UNC93B1: variants seen among roughly 807,000 people sequenced by gnomAD.
The protein encoded by UNC93B1 is unc-93B1 regulator of TLR signaling, also known as protein unc-93 homolog B1.
UNC93B1 carries 33 observed loss-of-function variants against 56.8 expected under a neutral mutation model. That is an observed-to-expected ratio of 0.58 (90% CI 0.44 to 0.78). UNC93B1 has a LOEUF of 0.78. UNC93B1 is among the 30% of genes least tolerant of loss of function. The probability of loss-of-function intolerance (pLI) is 0.00; values close to 1 mark genes in which losing one functional copy is unlikely to be tolerated. For missense variants in UNC93B1, 673 were observed against 819.5 expected (o/e 0.82, Z 2.18); for synonymous variants, 334 against 358.6 (o/e 0.93, Z 0.77).
chr11:67,992,652 CTTTTTTTTTTTTCCTTTTT>C (rs1351302586), intron 10 of UNC93B1, among the ~76,000 whole-genome samples: 2 of 134,400 alleles, frequency 1.5e-5, no homozygotes, highest in African/African-American at 5.6e-5. Flanking sequence ...CACTGCTTTT[CTTTTTTTTTTTTCCTTTTT>C]TTTTTTTTTG....
rs1856974091 is a variant in UNC93B1, at chr11:67,997,738, C to T, written c.843G>A (p.Arg281=). The part of the protein sequence containing the change: ...FNKTVLRTLP[R]SGNLIVVESV... ...TCTCCACCACAATGAGGTTTCCGCTCCGCGGGAGCGTCCGCAGAACCGTCT... is the reference window on the plus strand; with the variant it reads ...TCTCCACCACAATGAGGTTTCCGCTTCGCGGGAGCGTCCGCAGAACCGTCT... Residue 281 remains arginine (R), a synonymous_variant, in exon 7 of 11, where the codon CGG becomes CGA. Coordinates refer to ENST00000227471, the MANE Select transcript of UNC93B1 (RefSeq NM_030930.4). 4.3e-6 allele frequency: 7 copies of T among 1,609,814 alleles called. No homozygotes were observed. The highest frequency in any genetic ancestry group is 5.1e-6 in the Non-Finnish European group (6 of 1,179,878).
intron 7 of UNC93B1, 83 bp downstream of exon 7, chr11:67,997,592 C>T (rs911290984): frequency 6.3e-6 from 10 of 1,582,246 alleles, no homozygotes; most frequent in South Asian, 1.1e-5. Context: ...CCATGCCATC[C>T]GATCCAGACC....
At chr11:67,994,508 G>A (rs1238295915) in intron 9 of UNC93B1, among the ~76,000 whole-genome samples, 1 of 152,124 alleles carries the variant, frequency 6.6e-6, no homozygotes, top group Non-Finnish European at 1.5e-5. Context: ...CCTGTTTTGG[G>A]GCCCTGCAGG....
chr11:67,992,495 C>T (rs1184157152), intron 10 of UNC93B1, among the ~76,000 whole-genome samples: 1 of 152,048 alleles, frequency 6.6e-6, no homozygotes, highest in Admixed American at 6.6e-5. Flanking sequence ...CACGCCACTA[C>T]GCCCAGCTAT....
Position 67,998,369 on chromosome 11 carries a change from C to A in UNC93B1, c.771G>T (p.Val257=), listed in dbSNP as rs758434326. ...LYDLNHTLYN[V]QSCGTNSHGI... ...CCAACAAGGACTAACCGCAGCTCTG[C>A]ACATTGTACAGCGTGTGGTTCAGGT... Residue 257 remains valine (V), a synonymous_variant, in exon 6 of 11, where the codon GTG becomes GTT. Coordinates refer to ENST00000227471, the MANE Select transcript of UNC93B1 (RefSeq NM_030930.4). 2 of 1,613,962 alleles carry A rather than the reference C, an allele frequency of 1.2e-6. No individual in the cohort carries two copies. Among genetic ancestry groups the A allele is most frequent in the Non-Finnish European group, 8.5e-7 (1 of 1,179,864 alleles).
At chr11:67,995,986 G>A (rs1469127877) in intron 8 of UNC93B1, 102 bp from the exon 9 acceptor site, 3 of 1,084,212 alleles carry the variant, frequency 2.8e-6, no homozygotes, top group Non-Finnish European at 3.7e-6. Flanking sequence ...TGCGATGGGG[G>A]TCCTAAGAGC....
In UNC93B1 at chr11:68,003,318, C is replaced by A. The variant is rs1221860062; in HGVS notation, c.239-143G>T. ...AGCGCCCCTCAGGACAGCGGGGTTC[C>A]CGGGCTGCGCCACGCCTTCTGCCAG... On this transcript the variant is annotated intron_variant, in intron 2 of 10. Coordinates refer to ENST00000227471, the MANE Select transcript of UNC93B1 (RefSeq NM_030930.4). This position sits in a 1 kb window ranked among gnomAD's most constrained non-coding sequence, Gnocchi z 4.4. The A allele has an allele frequency of 1.8e-6, 2 of 1,099,824 alleles. No homozygotes were observed. The highest frequency in any genetic ancestry group is 6.2e-5 in the Admixed American group (2 of 32,482). 68.1% of individuals were successfully genotyped at this position (1,099,824 alleles called of 1,614,324 possible). A position where few individuals can be genotyped will look rare whatever the true frequency, so the allele number is the denominator to read the frequency against.
Position 67,991,686 on chromosome 11 carries a change from C to A in UNC93B1, c.1654G>T (p.Ala552Ser). 2.6e-6 allele frequency: 4 copies of A among 1,531,908 alleles called. No individual in the cohort carries two copies. The highest frequency in any genetic ancestry group is 2.4e-5 in the South Asian group (2 of 83,902). The allele number at this position is 1,531,908 out of a possible 1,614,324, so 94.9% of individuals were successfully genotyped here. A position where few individuals can be genotyped will look rare whatever the true frequency, so the allele number is the denominator to read the frequency against. Residue 552 changes from alanine to serine, a missense_variant, in exon 11 of 11, where the codon GCG (alanine) becomes TCG (serine). Ala to Ser is a moderately conservative substitution (Grantham distance 99, BLOSUM62 1). Around this residue, in one of 3 missense-constraint regions of UNC93B1, gnomAD observed 80 missense variants for 85.3 expected, o/e 0.94. Transcript: ENST00000227471. Reference protein sequence around the residue: ...LEEDNSDESDAEGEHGDGAEE... With the variant: ...LEEDNSDESDSEGEHGDGAEE... ...GCGCCGTCCCCATGCTCGCCCTCCGCGTCGCTCTCGTCCGAGTTGTCCTCC... is the reference window on the plus strand; with the variant it reads ...GCGCCGTCCCCATGCTCGCCCTCCGAGTCGCTCTCGTCCGAGTTGTCCTCC...
rs569865729 is a variant in UNC93B1, at chr11:67,993,145, C to T, written c.1482+531G>A. On this transcript the variant is annotated intron_variant, in intron 10 of 10. Coordinates refer to ENST00000227471, the MANE Select transcript of UNC93B1 (RefSeq NM_030930.4). ...CTGTGATTACAGGCACCTGCCACCA[C>T]GCCCGGCTAATTTTTGTATTTTTAG... is the stretch of plus-strand genomic sequence containing the variant. 2.6e-4 allele frequency among the ~76,000 whole-genome samples: 40 copies of T among 152,248 alleles called. No homozygotes were observed. The South Asian group carries it at 7.0e-3, about 27-fold the overall frequency.
rs185385019 is a variant in UNC93B1 at position 67,998,770 on chromosome 11, G to A, written c.688-318C>T. Among the ~76,000 whole-genome samples the A allele has an allele frequency of 3.8e-3, 577 of 152,228 alleles. 4 individuals are homozygous for A. Among genetic ancestry groups the A allele is most frequent in the African/African-American group, 0.013 (524 of 41,532 alleles). On this transcript the variant is annotated intron_variant, in intron 5 of 10. Transcript: ENST00000227471. Reference sequence around the variant, plus strand: ...AAATTAGCTGGGTGTGGTAGCACACGCATATGATGCCAGCTACTCAGAAGG... The same window carrying A: ...AAATTAGCTGGGTGTGGTAGCACACACATATGATGCCAGCTACTCAGAAGG...
At position 67,999,220 on chromosome 11, in the gene UNC93B1, C is replaced by G. The variant is rs1304010328; in HGVS notation, c.640G>C (p.Ala214Pro). Residue 214 changes from alanine to proline, a missense_variant, in exon 5 of 11, where the codon GCG (alanine) becomes CCG (proline). By Grantham distance (27) the Ala-to-Pro change is conservative. Transcript: ENST00000227471. ...MKQRPPRGSH[A>P]PYLLVFQAIF... ...GCTTGGAAGACCAGGAGATAGGGCGCGTGGGAGCCCCGCGGAGGCCGCTGC... is the reference window on the plus strand; with the variant it reads ...GCTTGGAAGACCAGGAGATAGGGCGGGTGGGAGCCCCGCGGAGGCCGCTGC... 3 of 1,613,266 alleles carry G rather than the reference C, an allele frequency of 1.9e-6. No homozygotes were observed. Among genetic ancestry groups the G allele is most frequent in the Admixed American group, 1.7e-5 (1 of 59,996 alleles).
chr11:67,996,594 G>C lies in UNC93B1; in HGVS notation c.1089+8C>G. On this transcript the variant is annotated splice_region_variant and intron_variant, in intron 8 of 10. Coordinates refer to ENST00000227471, the MANE Select transcript of UNC93B1 (RefSeq NM_030930.4). ...TTTGTCGGGCAATCCTTTGCAGGCT[G>C]TACTTACCAAGGCGATACCAGTGCA... 1.9e-6 allele frequency: 3 copies of C among 1,540,772 alleles called. No individual in the cohort carries two copies. The highest frequency in any genetic ancestry group is 2.6e-6 in the Non-Finnish European group (3 of 1,138,948).
intron 9 of UNC93B1, among the ~76,000 whole-genome samples, chr11:67,995,215 C>A (rs1321995329): frequency 1.3e-5 from 2 of 152,170 alleles, no homozygotes; most frequent in Non-Finnish European, 2.9e-5. Flanking sequence ...AAGGGAGAAT[C>A]CCTGATGTGT....
rs750569131 is a variant in UNC93B1 at position 67,999,288 on chromosome 11, T to C, written c.572A>G (p.His191Arg). The C allele has an allele frequency of 1.2e-6, 2 of 1,613,530 alleles. No individual in the cohort carries two copies. The highest frequency in any genetic ancestry group is 2.2e-5 in the East Asian group (1 of 44,876). The change falls in exon 5 of 11, where the codon CAT becomes CGT. Residue 191 changes from histidine to arginine, a missense_variant. His to Arg is a conservative substitution (Grantham distance 29). This residue lies in a region of UNC93B1 where 438 missense variants were observed against 465.9 expected (regional missense o/e 0.94). Transcript: ENST00000227471. ...NYITRMAQKY[H>R]EYSHYKEQDG... ...CTGCTCCTTGTAGTGGGAGTACTCA[T>C]GGTACTTCTGCGCCATCCTGGACCA...
chr11:68,002,613 C>T (rs776631404), intron 3 of UNC93B1, among the ~76,000 whole-genome samples: 1 of 152,172 alleles, frequency 6.6e-6, no homozygotes, highest in African/African-American at 2.4e-5. Context: ...AGAAACACCC[C>T]CTCAGCACCA....
chr11:67,997,674 C>T lies in UNC93B1; in HGVS notation c.906+1G>A. On this transcript the variant is annotated splice_donor_variant, in intron 7 of 10. Coordinates refer to ENST00000227471, the MANE Select transcript of UNC93B1 (RefSeq NM_030930.4). LOFTEE classifies it high-confidence loss of function. ...TGTCCTGCCCCCATCCCGGGCCGCA[C>T]CAGCAGCATGGCCAGGAAGGCCACT... is the stretch of plus-strand genomic sequence containing the variant. 1 of 1,603,222 alleles carries T rather than the reference C, an allele frequency of 6.2e-7. No individual in the cohort carries two copies. Among genetic ancestry groups the T allele is most frequent in the Non-Finnish European group, 8.5e-7 (1 of 1,179,822 alleles).
chr11:67,998,487 G>T (rs1387432401), intron 5 of UNC93B1, 35 bp from the exon 6 acceptor site: 1 of 1,607,730 alleles, frequency 6.2e-7, no homozygotes, highest in Non-Finnish European at 8.5e-7. Context: ...CCAGACTCAG[G>T]CACAGAGCCA....
chr11:67,998,275 G>A (rs1590761646), intron 6 of UNC93B1, 84 bp downstream of exon 6: 10 of 1,515,924 alleles, frequency 6.6e-6, no homozygotes, highest in Non-Finnish European at 9.2e-6. Flanking sequence ...TGCCAGCCCT[G>A]AATCCTGTGA....
At chr11:68,000,697 A>G (rs1341044903) in intron 3 of UNC93B1, among the ~76,000 whole-genome samples, 1 of 152,172 alleles carries the variant, frequency 6.6e-6, no homozygotes, top group African/African-American at 2.4e-5. Context: ...GGTCACACAC[A>G]CTGGCATAAC....
Sources: gnomAD v4.1 joint callset for allele counts (sites outside exome capture counted in the v4.1 genomes callset) on GRCh38, gnomAD v4.1.1 for gene constraint, gnomAD v4.1.1 regional missense constraint, Gnocchi (gnomAD v3.1) non-coding constraint, MANE v1.5 for transcripts, NCBI Gene and HGNC (gene_info 2026-07-23, HGNC 2026-07-21) for gene names.